Variants in EPHA3 observed in about 807,000 individuals in gnomAD.
EPHA3 encodes the protein ephrin type-A receptor 3.
A neutral mutation model predicts 107.1 loss-of-function variants in EPHA3; 42 were observed. That is an observed-to-expected ratio of 0.39 (90% confidence interval 0.31 to 0.51). The LOEUF (loss-of-function observed/expected upper bound fraction) is 0.51. Among genes scored for constraint, EPHA3 ranks in the 20% least tolerant of loss-of-function variants. The pLI, the probability that EPHA3 is intolerant of heterozygous loss-of-function variation, is 0.78. For missense variants in EPHA3, 1,183 were observed against 1,211.2 expected (o/e 0.98, Z 0.35); for synonymous variants, 461 against 424.8 (o/e 1.09, Z -1.05).
intron 5 of EPHA3, among the ~76,000 whole-genome samples, chr3:89,378,031 A>C (rs1426876750): frequency 1.3e-5 from 2 of 152,146 alleles, no homozygotes; most frequent in Non-Finnish European, 2.9e-5. Flanking sequence ...CAAACACCGC[A>C]TGGTCTCACT....
chr3:89,191,779 G>C (rs1310705617), intron 2 of EPHA3, among the ~76,000 whole-genome samples: 1 of 152,132 alleles, frequency 6.6e-6, no homozygotes, highest in Non-Finnish European at 1.5e-5. Flanking sequence ...GTCTTGAAGA[G>C]AGTTAGGAAA....
intron 2 of EPHA3, among the ~76,000 whole-genome samples, chr3:89,184,763 T>G (rs1705523791): frequency 6.6e-6 from 1 of 151,996 alleles, no homozygotes; most frequent in South Asian, 2.1e-4. Context: ...TAAGAGGGAA[T>G]GTTTTCCAGC....
chr3:89,346,844 A>G (rs867817836), intron 5 of EPHA3, among the ~76,000 whole-genome samples: 2,212 of 143,032 alleles, frequency 0.015, 76 homozygotes, highest in African/African-American at 0.051. Flanking sequence ...ATGGCTAGCC[A>G]GTTTTGCCAG....
chr3:89,155,459 A>T (rs1337425721), intron 2 of EPHA3, among the ~76,000 whole-genome samples: 1 of 152,086 alleles, frequency 6.6e-6, no homozygotes, highest in Admixed American at 6.6e-5. Flanking sequence ...TTTCAAGCAT[A>T]GTATTAACCA....
intron 2 of EPHA3, among the ~76,000 whole-genome samples, chr3:89,131,306 G>T (rs571490382): frequency 6.6e-6 from 1 of 152,082 alleles, no homozygotes; most frequent in Non-Finnish European, 1.5e-5. Flanking sequence ...AGAAATTTGG[G>T]TAAATAATTC....
Position 89,154,596 on chromosome 3 carries a change from G to T in EPHA3, c.153+27323G>T, listed in dbSNP as rs1165259929. On this transcript the variant is annotated intron_variant, in intron 2 of 16. Transcript: ENST00000336596. ...TATTTTAAATTGTTTGATTGAACTAGGATTAATTATATAAATCATGTGAAA... is the reference window on the plus strand; with the variant it reads ...TATTTTAAATTGTTTGATTGAACTATGATTAATTATATAAATCATGTGAAA... Among the ~76,000 whole-genome samples the T allele has an allele frequency of 7.3e-5, 11 of 151,444 alleles. No individual in the cohort carries two copies. The East Asian group carries it at 2.1e-3, about 29-fold the overall frequency.
At chr3:89,335,037 A>G (rs1203650561) in intron 3 of EPHA3, among the ~76,000 whole-genome samples, 1 of 152,216 alleles carries the variant, frequency 6.6e-6, no homozygotes, top group Non-Finnish European at 1.5e-5. Flanking sequence ...TAAAATAACC[A>G]TGATATGAAA....
chr3:89,175,029 T>C (rs1229917173), intron 2 of EPHA3, among the ~76,000 whole-genome samples: 1 of 151,776 alleles, frequency 6.6e-6, no homozygotes, highest in Admixed American at 6.6e-5. Flanking sequence ...GCTTCAAAAA[T>C]CTGGTAACAA....
chr3:89,286,141 TG>T (rs1706077441), intron 3 of EPHA3, among the ~76,000 whole-genome samples: 2 of 151,186 alleles, frequency 1.3e-5, no homozygotes, highest in African/African-American at 4.9e-5. Flanking sequence ...TGTGTGTGTG[TG>T]TGTGTGTGTG....
At chr3:89,184,311 T>C (rs1705512450) in intron 2 of EPHA3, among the ~76,000 whole-genome samples, 1 of 152,028 alleles carries the variant, frequency 6.6e-6, no homozygotes, top group South Asian at 2.1e-4. Flanking sequence ...GAGGCCCCTG[T>C]AGAGTAATGG....
intron 2 of EPHA3, among the ~76,000 whole-genome samples, chr3:89,142,709 A>G (rs1442586504): frequency 6.6e-6 from 1 of 151,510 alleles, no homozygotes. Context: ...CACCAAAAAA[A>G]GAAGATTTTT....
chr3:89,365,507 C>T lies in EPHA3; in HGVS notation c.1306+23417C>T, dbSNP rs149036348. ...TAGCTTTTCACCTTGGTTTGATTTTCCACAGGGCAACACTTGACTGTCTGT... is the reference window on the plus strand; with the variant it reads ...TAGCTTTTCACCTTGGTTTGATTTTTCACAGGGCAACACTTGACTGTCTGT... On this transcript the variant is annotated intron_variant, in intron 5 of 16. Coordinates refer to ENST00000336596, the MANE Select transcript of EPHA3 (RefSeq NM_005233.6). Among the ~76,000 whole-genome samples the T allele has an allele frequency of 1.3e-3, 198 of 150,862 alleles. 5 individuals carry two copies. The highest frequency in any genetic ancestry group is 3.4e-3 in the Middle Eastern group (1 of 294).
intron 3 of EPHA3, among the ~76,000 whole-genome samples, chr3:89,315,403 G>A (rs1319039483): frequency 1.3e-5 from 2 of 151,768 alleles, no homozygotes; most frequent in Non-Finnish European, 2.9e-5. Flanking sequence ...TCAGAGCTCA[G>A]GGAACATGAA....
chr3:89,432,454 C>T (rs1709587563), intron 13 of EPHA3, among the ~76,000 whole-genome samples: 1 of 152,030 alleles, frequency 6.6e-6, no homozygotes. Flanking sequence ...ACAATTACGA[C>T]TCATTGTAGC....
chr3:89,242,122 C>T (rs1704910233), intron 3 of EPHA3, among the ~76,000 whole-genome samples: 1 of 152,072 alleles, frequency 6.6e-6, no homozygotes, highest in Non-Finnish European at 1.5e-5. Context: ...GTTGGGAATC[C>T]AACTCAAAAT....
Position 89,481,824 on chromosome 3 carries a change from A to C in EPHA3, c.*2322A>C, listed in dbSNP as rs1425958550. 4.3e-6 allele frequency: 1 copy of C among 231,710 alleles called. No individual in the cohort carries two copies. The highest frequency in any genetic ancestry group is 8.6e-6 in the Non-Finnish European group (1 of 116,926). The allele number at this position is 231,710 out of a possible 1,614,324, so 14.4% of individuals were successfully genotyped here. A position where few individuals can be genotyped will look rare whatever the true frequency, so the allele number is the denominator to read the frequency against. ...TTGTACAGGAACTGCATTGACTTTC[A>C]GTAAACATAAAGCCACAACTCCTAC... On this transcript the variant is annotated 3_prime_UTR_variant, in exon 17 of 17. Transcript: ENST00000336596.
intron 3 of EPHA3, among the ~76,000 whole-genome samples, chr3:89,319,813 T>C (rs1207146082): frequency 1.3e-5 from 2 of 151,984 alleles, no homozygotes; most frequent in Non-Finnish European, 2.9e-5. Flanking sequence ...AAATTATTAG[T>C]GGTTTTCAGT....
intron 3 of EPHA3, among the ~76,000 whole-genome samples, chr3:89,212,522 T>C (rs1006297742): frequency 6.6e-6 from 1 of 152,074 alleles, no homozygotes; most frequent in African/African-American, 2.4e-5. Context: ...GCATAACTCT[T>C]CTTACTGGTT....
intron 3 of EPHA3, among the ~76,000 whole-genome samples, chr3:89,227,158 T>G (rs2107217761): frequency 6.6e-6 from 1 of 152,262 alleles, no homozygotes; most frequent in South Asian, 2.1e-4. Context: ...ATTCATATTT[T>G]TATATGTTAA....
Sources: allele counts gnomAD v4.1 joint callset (sites outside exome capture counted in the v4.1 genomes callset), GRCh38; gene constraint gnomAD v4.1.1; transcripts MANE v1.5; gene names NCBI Gene and HGNC (gene_info 2026-07-23, HGNC 2026-07-21).